The following MAPRE2 variants were observed in gnomAD, a reference collection of about 807,000 sequenced individuals.
The protein encoded by MAPRE2 is microtubule associated protein RP/EB family member 2.
A neutral mutation model predicts 43.2 loss-of-function variants in MAPRE2; 13 were observed. The observed-to-expected ratio is 0.30, with a 90% CI of 0.20 to 0.48. The LOEUF (loss-of-function observed/expected upper bound fraction) is 0.48. MAPRE2 is among the 20% of genes least tolerant of loss of function. The pLI is 0.99. For synonymous variants in MAPRE2, 135 were observed against 148.8 expected, an observed-to-expected ratio of 0.91 and a Z score of 0.68; for missense variants, 161 against 400.2, an observed-to-expected ratio of 0.40 and a Z score of 5.10.
rs147366684 is a variant in MAPRE2, at chr18:35,016,162, G to GTA, written c.-8+10620_-8+10621dup. Among the ~76,000 whole-genome samples the GTA allele has an allele frequency of 8.7e-3, 1,323 of 151,706 alleles. 19 individuals carry two copies. The highest frequency in any genetic ancestry group is 0.029 in the African/African-American group (1,214 of 41,398). The stretch of plus-strand genomic sequence containing the variant: ...TTTTATGGCTGCGTAGTATTTTATG[G>GTA]TATATATATATACCACATCTTCTTT... On this transcript the variant is annotated intron_variant, in intron 2 of 7. Transcript: ENST00000413393.
chr18:35,016,107 T>A (rs980062933), intron 2 of MAPRE2, among the ~76,000 whole-genome samples: 3 of 151,978 alleles, frequency 2.0e-5, no homozygotes, highest in African/African-American at 7.2e-5. Flanking sequence ...GCTGCATCCA[T>A]GTTGCTGTAA....
upstream of MAPRE2, among the ~76,000 whole-genome samples, chr18:35,036,814 T>C (rs866667807): frequency 6.6e-6 from 1 of 152,228 alleles, no homozygotes. Flanking sequence ...ATTGATTATA[T>C]ATTCATTGAG....
chr18:35,107,455 G>A (rs147899080), intron 4 of MAPRE2, among the ~76,000 whole-genome samples: 5 of 152,186 alleles, frequency 3.3e-5, no homozygotes, highest in South Asian at 2.1e-4. Context: ...CATTTGTTGA[G>A]CACCTGTCAT....
intron 1 of MAPRE2, among the ~76,000 whole-genome samples, chr18:35,060,052 T>A (rs2150613443): frequency 6.6e-6 from 1 of 152,310 alleles, no homozygotes; most frequent in Admixed American, 6.5e-5. Context: ...TGCATGCGCC[T>A]GATTTTATGC....
chr18:34,985,289 ATT>A (rs1568961467), intron 1 of MAPRE2, among the ~76,000 whole-genome samples: 23 of 37,038 alleles, frequency 6.2e-4, no homozygotes, highest in African/African-American at 1.4e-3. Flanking sequence ...TATATTATAT[ATT>A]ATATTATATA....
intron 2 of MAPRE2, among the ~76,000 whole-genome samples, chr18:35,008,154 A>G (rs1461466513): frequency 1.3e-5 from 2 of 152,092 alleles, no homozygotes; most frequent in Non-Finnish European, 2.9e-5. Flanking sequence ...ACCACACACA[A>G]CATGCTTGTA....
At chr18:35,095,909 A>G (rs1188556339) in intron 2 of MAPRE2, among the ~76,000 whole-genome samples, 1 of 151,900 alleles carries the variant, frequency 6.6e-6, no homozygotes, top group Non-Finnish European at 1.5e-5. Context: ...CTTGACTAGG[A>G]ACTTACTAGT....
chr18:34,987,387 A>G (rs1786587), intron 1 of MAPRE2, among the ~76,000 whole-genome samples: 37,488 of 152,068 alleles, frequency 0.25, 4,674 homozygotes, highest in Middle Eastern at 0.26. Flanking sequence ...CCCAATCACA[A>G]TCTTCACGTT....
chr18:35,027,391 C>T (rs939132474), intron 2 of MAPRE2, among the ~76,000 whole-genome samples: 2 of 152,164 alleles, frequency 1.3e-5, no homozygotes, highest in African/African-American at 4.8e-5. Flanking sequence ...ACCCAGCCAC[C>T]ATGCTGTGAG....
intron 2 of MAPRE2, among the ~76,000 whole-genome samples, chr18:35,097,233 G>A (rs1279473213): frequency 6.6e-6 from 1 of 152,186 alleles, no homozygotes; most frequent in Non-Finnish European, 1.5e-5. Context: ...TTAGGGTTGG[G>A]AAGTGGCAGG....
rs200863614 is a variant in MAPRE2 at position 35,127,128 on chromosome 18, G to A, written c.750+41G>A. The A allele has an allele frequency of 9.3e-6, 15 of 1,611,432 alleles. No individual in the cohort carries two copies. The East Asian group carries it at 1.3e-4, about 14-fold the overall frequency. ...TGGCCACGCCTCTAGGAGCAGTGAC[G>A]TGTGTAAGAGGTAGGGGGCCTAGGA... On this transcript the variant is annotated intron_variant, in intron 5 of 6. Coordinates refer to ENST00000300249, the MANE Select transcript of MAPRE2 (RefSeq NM_014268.4).
intron 1 of MAPRE2, among the ~76,000 whole-genome samples, chr18:34,980,031 CTTTT>C (rs796434537): frequency 3.3e-4 from 15 of 46,134 alleles, no homozygotes; most frequent in South Asian, 2.8e-3. Flanking sequence ...TTCTTTTTTT[CTTTT>C]TTTTTTTTTT....
chr18:35,120,149 C>G (rs1042781835), intron 4 of MAPRE2, among the ~76,000 whole-genome samples: 2 of 152,216 alleles, frequency 1.3e-5, no homozygotes, highest in Non-Finnish European at 2.9e-5. Context: ...AGAGCCCCCA[C>G]TCTTGACCAC....
chr18:35,056,352 A>AG (rs1490364969), intron 1 of MAPRE2, among the ~76,000 whole-genome samples: 1 of 152,230 alleles, frequency 6.6e-6, no homozygotes. Context: ...AATAATATAA[A>AG]GTAAAATAGG....
At chr18:35,089,187 G>C (rs1177015184) in intron 2 of MAPRE2, among the ~76,000 whole-genome samples, 1 of 152,150 alleles carries the variant, frequency 6.6e-6, no homozygotes, top group Non-Finnish European at 1.5e-5. Context: ...GTTGAACTTT[G>C]ATAGGAACTA....
intron 1 of MAPRE2, among the ~76,000 whole-genome samples, chr18:35,002,062 C>G (rs2097029653): frequency 6.6e-6 from 1 of 152,088 alleles, no homozygotes; most frequent in African/African-American, 2.4e-5. Flanking sequence ...ATTTGTGTTG[C>G]CTTTTATAAT....
At chr18:35,022,656 A>G (rs2097042664) in intron 2 of MAPRE2, among the ~76,000 whole-genome samples, 1 of 152,172 alleles carries the variant, frequency 6.6e-6, no homozygotes, top group African/African-American at 2.4e-5. Flanking sequence ...GAAATTACAT[A>G]ATCATAAATC....
At chr18:35,085,937 CT>C (rs1188937834) in intron 2 of MAPRE2, among the ~76,000 whole-genome samples, 1 of 152,104 alleles carries the variant, frequency 6.6e-6, no homozygotes, top group Non-Finnish European at 1.5e-5. Flanking sequence ...AGATAATAAG[CT>C]TTTTTACAAA....
intron 2 of MAPRE2, among the ~76,000 whole-genome samples, chr18:35,082,872 T>A (rs1907707195): frequency 6.6e-6 from 1 of 152,180 alleles, no homozygotes; most frequent in Non-Finnish European, 1.5e-5. Context: ...CTAATATTTA[T>A]GTATCTAGGC....
Sources: allele counts gnomAD v4.1 joint callset (sites outside exome capture counted in the v4.1 genomes callset), GRCh38; gene constraint gnomAD v4.1.1; transcripts MANE v1.5; gene names NCBI Gene and HGNC (gene_info 2026-07-23, HGNC 2026-07-21).